Variants in PUS10 observed in about 807,000 individuals in gnomAD.
PUS10 encodes tRNA pseudouridine synthase Pus10.
Under a neutral mutation model 75.0 loss-of-function variants are expected in PUS10, and 59 were observed. That is an observed-to-expected ratio of 0.79 (90% CI 0.64 to 0.98). The LOEUF (loss-of-function observed/expected upper bound fraction) is 0.98. Ranked by LOEUF, PUS10 falls within the 50% of genes least tolerant of loss-of-function variation. PUS10 has a pLI of 0.00. For synonymous variants in PUS10, 219 were observed against 211.6 expected (o/e 1.03, Z -0.30); for missense variants, 650 against 614.4 (o/e 1.06, Z -0.61).
At chr2:60,943,253 G>C (rs1393220703) in intron 17 of PUS10, among the ~76,000 whole-genome samples, 3 of 152,034 alleles carry the variant, frequency 2.0e-5, no homozygotes, top group African/African-American at 7.2e-5. Flanking sequence ...AGATGACCTG[G>C]AACCAGAAAA....
chr2:60,983,145 G>A (rs1295561158), intron 4 of PUS10, among the ~76,000 whole-genome samples: 1 of 151,252 alleles, frequency 6.6e-6, no homozygotes, highest in East Asian at 1.9e-4. Flanking sequence ...CTCCTGCCTT[G>A]GTCTCCCAAA....
chr2:60,973,943 C>G (rs1301276762), intron 4 of PUS10, among the ~76,000 whole-genome samples: 1 of 152,216 alleles, frequency 6.6e-6, no homozygotes, highest in Non-Finnish European at 1.5e-5. Flanking sequence ...AGTCTCTCTG[C>G]TGAGAGCTGA....
At chr2:61,017,757 G>A (rs1026065880) in intron 1 of PUS10, 3 of 1,549,262 alleles carry the variant, frequency 1.9e-6, no homozygotes, top group South Asian at 1.2e-5. Context: ...GGAGGCGGAG[G>A]AGATGGCGTC....
intron 1 of PUS10, among the ~76,000 whole-genome samples, chr2:61,015,931 AT>A: frequency 6.6e-6 from 1 of 152,318 alleles, no homozygotes; most frequent in Admixed American, 6.5e-5. Context: ...AAGGTCAAGA[AT>A]TTTACTTAAT....
At chr2:60,952,334 CAAA>C (rs78551218) in intron 15 of PUS10, among the ~76,000 whole-genome samples, 62 of 100,436 alleles carry the variant, frequency 6.2e-4, no homozygotes, top group Non-Finnish European at 8.4e-4. Flanking sequence ...GACTCTGTCT[CAAA>C]AAAAAAAAAA....
At chr2:61,003,769 C>A (rs1679016063) in intron 4 of PUS10, among the ~76,000 whole-genome samples, 1 of 151,998 alleles carries the variant, frequency 6.6e-6, no homozygotes. Context: ...TGGTCTTGAA[C>A]TGACTCAAGA....
chr2:60,973,139 A>T (rs764188389), intron 4 of PUS10, among the ~76,000 whole-genome samples: 4 of 152,014 alleles, frequency 2.6e-5, no homozygotes, highest in Non-Finnish European at 5.9e-5. Flanking sequence ...CCCGGCCTCA[A>T]CCTCGCTCCC....
chr2:61,000,244 G>C (rs926300675), intron 4 of PUS10, among the ~76,000 whole-genome samples: 1 of 152,144 alleles, frequency 6.6e-6, no homozygotes, highest in African/African-American at 2.4e-5. Flanking sequence ...TTTAAGGAAA[G>C]CAAACTCATC....
chr2:60,945,793 TA>T (rs1282785323), intron 16 of PUS10, among the ~76,000 whole-genome samples: 1 of 152,242 alleles, frequency 6.6e-6, no homozygotes, highest in Non-Finnish European at 1.5e-5. Context: ...TTTTTAAGAT[TA>T]ACATTCCTTA....
intron 17 of PUS10, chr2:60,944,082 C>T (rs1216864880): frequency 1.3e-5 from 3 of 230,998 alleles, no homozygotes; most frequent in Non-Finnish European, 1.4e-5. Context: ...GACCCGTGAT[C>T]GCACCACTGC....
intron 15 of PUS10, among the ~76,000 whole-genome samples, chr2:60,948,388 G>A (rs899346169): frequency 6.6e-6 from 1 of 152,132 alleles, no homozygotes; most frequent in Non-Finnish European, 1.5e-5. Flanking sequence ...GCCATGCCCG[G>A]CTGATTTTTG....
intron 2 of PUS10, among the ~76,000 whole-genome samples, chr2:61,011,249 CATAA>C (rs1261720208): frequency 6.6e-6 from 1 of 152,020 alleles, no homozygotes; most frequent in East Asian, 1.9e-4. Context: ...TGTATATTAC[CATAA>C]ATGTCAAAGA....
At chr2:60,947,082 C>T (rs933340064) in intron 16 of PUS10, among the ~76,000 whole-genome samples, 13 of 152,270 alleles carry the variant, frequency 8.5e-5, no homozygotes, top group South Asian at 6.2e-4. Context: ...GGTTAGATTA[C>T]GAACAAATTA....
rs938971067 is a variant in PUS10 at position 60,940,553 on chromosome 2, G to T, written c.*1842C>A. On this transcript the variant is annotated 3_prime_UTR_variant, in exon 18 of 18. Transcript: ENST00000316752. ...AAAATTCTAGGAACATTTGGAAGAA[G>T]TATTTAAAGCTAATGCTTACTCTTT... 1 of 152,270 alleles carries T rather than the reference G, an allele frequency of 6.6e-6. No individual in the cohort carries two copies. Among genetic ancestry groups the T allele is most frequent in the East Asian group, 1.9e-4 (1 of 5,344 alleles). The allele number at this position is 152,270 out of a possible 1,614,324, so 9.4% of individuals were successfully genotyped here. A position where few individuals can be genotyped will look rare whatever the true frequency, so the allele number is the denominator to read the frequency against.
At chr2:60,947,846 A>AAAAAAG (rs1675059576) in intron 16 of PUS10, among the ~76,000 whole-genome samples, 197 bp downstream of exon 16, 1 of 151,000 alleles carries the variant, frequency 6.6e-6, no homozygotes, top group East Asian at 1.9e-4. Context: ...AAAAAAAAAA[A>AAAAAAG]AAAAGAAAAG....
chr2:60,965,256 A>G, intron 7 of PUS10, 153 bp from the exon 8 acceptor site: 1 of 981,128 alleles, frequency 1.0e-6, no homozygotes, highest in South Asian at 1.4e-5. Context: ...TTTGCCCAGG[A>G]ACTATGTTCA....
At chr2:60,983,785 A>T (rs1019863542) in intron 4 of PUS10, among the ~76,000 whole-genome samples, 2 of 152,134 alleles carry the variant, frequency 1.3e-5, no homozygotes, top group Non-Finnish European at 2.9e-5. Context: ...ATATATTTTT[A>T]AAATAGTAAA....
chr2:60,977,558 T>C (rs1268301059), intron 4 of PUS10, among the ~76,000 whole-genome samples: 1 of 152,232 alleles, frequency 6.6e-6, no homozygotes, highest in Non-Finnish European at 1.5e-5. Context: ...ATTTTTGTAC[T>C]ATTGTTTTTC....
rs1675519591 is a variant in PUS10, at chr2:60,954,262, A to C, written c.1058-104T>G. 9.2e-6 allele frequency: 9 copies of C among 976,534 alleles called. No homozygotes were observed. The South Asian group carries it at 1.3e-4, about 14-fold the overall frequency. The allele number at this position is 976,534 out of a possible 1,614,324, so 60.5% of individuals were successfully genotyped here. On this transcript the variant is annotated intron_variant, in intron 12 of 17. Coordinates refer to ENST00000316752, the MANE Select transcript of PUS10 (RefSeq NM_144709.4). ...GTGTGAAAAGTGGGTTGAGCTCTAG[A>C]GGACTGAAAGTTTAGTGACATGACT...
Sources: allele counts gnomAD v4.1 joint callset (sites outside exome capture counted in the v4.1 genomes callset), GRCh38; gene constraint gnomAD v4.1.1; transcripts MANE v1.5; gene names NCBI Gene and HGNC (gene_info 2026-07-23, HGNC 2026-07-21).